FAM216A: variants seen among roughly 807,000 people sequenced by gnomAD.
The protein encoded by FAM216A is family with sequence similarity 216 member A.
A neutral mutation model predicts 37.6 loss-of-function variants in FAM216A; 26 were observed. The observed-to-expected ratio is 0.69, with a 90% confidence interval of 0.51 to 0.96. The LOEUF (loss-of-function observed/expected upper bound fraction) is 0.96, where lower values mean the gene tolerates loss of function less well. Among genes scored for constraint, FAM216A ranks in the 40% least tolerant of loss-of-function variants. The pLI is 0.00. For synonymous variants in FAM216A, 110 were observed against 121.7 expected (o/e 0.90, Z 0.64); for missense variants, 326 against 339.3 (o/e 0.96, Z 0.31).
chr12:110,482,145 G>A (rs911196084), intron 2 of FAM216A, among the ~76,000 whole-genome samples: 6 of 151,486 alleles, frequency 4.0e-5, no homozygotes, highest in Non-Finnish European at 5.9e-5. Flanking sequence ...GCAGTGTTGC[G>A]ATCTCGGCTC....
Position 110,468,906 on chromosome 12 carries a change from C to A in FAM216A, c.31C>A (p.Arg11Ser), listed in dbSNP as rs1038667774. The change falls in exon 1 of 7, where the codon CGC becomes AGC. Residue 11 changes from arginine to serine, a missense_variant. Coordinates refer to ENST00000377673, the MANE Select transcript of FAM216A (RefSeq NM_013300.3). ...GGGACAGCTGCTCCCGCACACGGCT[C>A]GCGGTCTCGGCGCCGCGGAGATGCC... MLGQLLPHTA[R>S]GLGAAEMPGQ... The A allele has an allele frequency of 2.0e-6, 3 of 1,521,180 alleles. No individual in the cohort carries two copies. Among genetic ancestry groups the A allele is most frequent in the South Asian group, 1.2e-5 (1 of 83,124 alleles). The allele number at this position is 1,521,180 out of a possible 1,614,324, so 94.2% of individuals were successfully genotyped here.
chr12:110,473,314 C>T (rs974762568), intron 2 of FAM216A, among the ~76,000 whole-genome samples, 196 bp downstream of exon 2: 10 of 151,842 alleles, frequency 6.6e-5, no homozygotes, highest in East Asian at 3.9e-4. Flanking sequence ...TGGGTTCAAG[C>T]GATTCTCCTG....
chr12:110,475,167 T>C (rs911373936), intron 2 of FAM216A, among the ~76,000 whole-genome samples: 1 of 152,228 alleles, frequency 6.6e-6, no homozygotes, highest in Non-Finnish European at 1.5e-5. Flanking sequence ...TCTTCCTCTA[T>C]AGTTGAACTT....
rs1172161565 is a variant in FAM216A, at chr12:110,486,466, TC to T, written c.436+14del. 1.2e-6 allele frequency: 2 copies of T among 1,608,942 alleles called. No individual in the cohort carries two copies. Among genetic ancestry groups the T allele is most frequent in the African/African-American group, 2.7e-5 (2 of 74,806 alleles). ...CTCACAAAAGCCAGGCAGGTGCACC[TC>T]CAGTTGTCTTTTCACTAGTTTTTAC... On this transcript the variant is annotated intron_variant, in intron 4 of 6. Transcript: ENST00000377673.
intron 2 of FAM216A, among the ~76,000 whole-genome samples, chr12:110,477,213 A>T (rs1273907265): frequency 6.6e-6 from 1 of 152,152 alleles, no homozygotes; most frequent in Non-Finnish European, 1.5e-5. Context: ...GGTTCAGGTG[A>T]TGTCTGCCAG....
chr12:110,468,858 C>G lies in FAM216A; in HGVS notation c.-18C>G. 2.0e-6 allele frequency: 3 copies of G among 1,486,668 alleles called. No individual in the cohort carries two copies. The highest frequency in any genetic ancestry group is 2.7e-6 in the Non-Finnish European group (3 of 1,117,926). The allele number at this position is 1,486,668 out of a possible 1,614,324, so 92.1% of individuals were successfully genotyped here. A position where few individuals can be genotyped will look rare whatever the true frequency, so the allele number is the denominator to read the frequency against. Reference sequence around the variant, plus strand: ...CGGAATACCAGCAGCCTGACGCACGCGTGCTGTCGGGGGAGGGATGCTGGG... The same window carrying G: ...CGGAATACCAGCAGCCTGACGCACGGGTGCTGTCGGGGGAGGGATGCTGGG... On this transcript the variant is annotated 5_prime_UTR_variant, in exon 1 of 7. Transcript: ENST00000377673.
rs76617420 is a variant in FAM216A, at chr12:110,485,696, G to A, written c.306+497G>A. 6.9e-3 allele frequency among the ~76,000 whole-genome samples: 1,058 copies of A among 152,292 alleles called. 19 individuals carry two copies. Among genetic ancestry groups the A allele is most frequent in the African/African-American group, 0.024 (1,016 of 41,564 alleles). On this transcript the variant is annotated intron_variant, in intron 3 of 6. Coordinates refer to ENST00000377673, the MANE Select transcript of FAM216A (RefSeq NM_013300.3). ...ATCGTAACTGCTAAAAGTATCTCTA[G>A]AGCAATGTGAATTAGGGTAAATTTT...
chr12:110,487,769 C>T, intron 5 of FAM216A, 92 bp from the exon 6 acceptor site: 1 of 766,898 alleles, frequency 1.3e-6, no homozygotes, highest in Non-Finnish European at 2.3e-6. Flanking sequence ...GTGATGTTGG[C>T]AGCTAATAAA....
chr12:110,475,968 G>T (rs2062712529), intron 2 of FAM216A, among the ~76,000 whole-genome samples: 2 of 151,424 alleles, frequency 1.3e-5, no homozygotes, highest in South Asian at 4.2e-4. Context: ...AAACTCCTGG[G>T]CTCAAGCAAT....
chr12:110,473,138 C>A lies in FAM216A; in HGVS notation c.184+20C>A. 2 of 1,418,396 alleles carry A rather than the reference C, an allele frequency of 1.4e-6. No homozygotes were observed. Among genetic ancestry groups the A allele is most frequent in the Non-Finnish European group, 9.8e-7 (1 of 1,019,530 alleles). 87.9% of individuals were successfully genotyped at this position (1,418,396 alleles called of 1,614,324 possible). A position where few individuals can be genotyped will look rare whatever the true frequency, so the allele number is the denominator to read the frequency against. ...GTTCTGGTGAGTAGTGCATATAAAG[C>A]AGATAATACTTATAAGTAACATGGT... On this transcript the variant is annotated intron_variant, in intron 2 of 6. Coordinates refer to ENST00000377673, the MANE Select transcript of FAM216A (RefSeq NM_013300.3).
chr12:110,479,793 G>A (rs1024904326), intron 2 of FAM216A, among the ~76,000 whole-genome samples: 4 of 151,144 alleles, frequency 2.6e-5, no homozygotes, highest in Non-Finnish European at 4.4e-5. Context: ...AGCAGAGATC[G>A]CGCCACTGCA....
At chr12:110,487,591 AAT>A (rs1266776744) in intron 5 of FAM216A, 1 of 343,696 alleles carries the variant, frequency 2.9e-6, no homozygotes, top group Non-Finnish European at 5.3e-6. Flanking sequence ...AAATAATGCA[AAT>A]ACTTTCAAAA....
At chr12:110,478,911 G>C (rs1278751944) in intron 2 of FAM216A, among the ~76,000 whole-genome samples, 2 of 152,042 alleles carry the variant, frequency 1.3e-5, no homozygotes, top group Admixed American at 6.6e-5. Context: ...ATTTAAGGCC[G>C]GGCGCGGTGG....
chr12:110,478,018 T>C (rs1187185812), intron 2 of FAM216A, among the ~76,000 whole-genome samples: 1 of 152,194 alleles, frequency 6.6e-6, no homozygotes, highest in Non-Finnish European at 1.5e-5. Context: ...TATGGACTTT[T>C]TCTAATTCCA....
chr12:110,469,814 C>T (rs1436505388), intron 1 of FAM216A, among the ~76,000 whole-genome samples: 1 of 152,074 alleles, frequency 6.6e-6, no homozygotes, highest in East Asian at 1.9e-4. Flanking sequence ...CGACCTCAAA[C>T]GAGGATTTCT....
chr12:110,477,122 G>C (rs1457186979), intron 2 of FAM216A, among the ~76,000 whole-genome samples: 1 of 152,190 alleles, frequency 6.6e-6, no homozygotes, highest in Non-Finnish European at 1.5e-5. Flanking sequence ...GCACAGAAGT[G>C]GTGCTGAGTT....
intron 1 of FAM216A, 124 bp from the exon 2 acceptor site, chr12:110,472,954 T>A: frequency 3.0e-6 from 1 of 337,378 alleles, no homozygotes; most frequent in East Asian, 5.4e-5. Flanking sequence ...CCAGCCTGGG[T>A]GACAAAGTGA....
At chr12:110,485,247 AG>A (rs2062771210) in intron 3 of FAM216A, 48 bp downstream of exon 3, 6 of 1,556,322 alleles carry the variant, frequency 3.9e-6, no homozygotes, top group Non-Finnish European at 5.2e-6. Context: ...TTGTATTCAG[AG>A]CCGAACTTTT....
intron 2 of FAM216A, among the ~76,000 whole-genome samples, chr12:110,483,393 A>G (rs1168485192): frequency 1.3e-5 from 2 of 151,844 alleles, no homozygotes; most frequent in East Asian, 1.9e-4. Context: ...CAAAACTGCT[A>G]GTGAAGCTTA....
Sources: gnomAD v4.1 joint callset for allele counts (sites outside exome capture counted in the v4.1 genomes callset) on GRCh38, gnomAD v4.1.1 for gene constraint, MANE v1.5 for transcripts, NCBI Gene and HGNC (gene_info 2026-07-23, HGNC 2026-07-21) for gene names.